TRDN: variants seen among roughly 807,000 people sequenced by gnomAD.
TRDN encodes the protein triadin, also known as triadin in skeletal muscle.
A neutral mutation model predicts 149.7 loss-of-function variants in TRDN; 161 were observed. That is an observed-to-expected ratio of 1.08 (90% CI 0.95 to 1.23). TRDN has a LOEUF of 1.23. Ranked by LOEUF, TRDN falls within the 50% of genes most tolerant of loss-of-function variation. The pLI, the probability that TRDN is intolerant of heterozygous loss-of-function variation, is 0.00. For missense variants in TRDN, 896 were observed against 823.5 expected (o/e 1.09, Z -1.08); for synonymous variants, 294 against 250.5 (o/e 1.17, Z -1.64).
chr6:123,345,046 A>T (rs989670430), intron 21 of TRDN, among the ~76,000 whole-genome samples: 1 of 151,984 alleles, frequency 6.6e-6, no homozygotes, highest in Admixed American at 6.6e-5. Flanking sequence ...TTTATATCTT[A>T]TAAGCCCAAC....
At chr6:123,545,133 A>G (rs1040775174) in intron 4 of TRDN, among the ~76,000 whole-genome samples, 16 of 152,134 alleles carry the variant, frequency 1.1e-4, no homozygotes, top group African/African-American at 3.4e-4. Context: ...ATGACTAAAT[A>G]TTATTGAATA....
At chr6:123,307,774 T>G (rs1778666046) in intron 24 of TRDN, among the ~76,000 whole-genome samples, 1 of 152,026 alleles carries the variant, frequency 6.6e-6, no homozygotes, top group African/African-American at 2.4e-5. Flanking sequence ...TGGTAACACT[T>G]TTTTTCTCTT....
At chr6:123,477,089 A>G (rs1299662381) in intron 9 of TRDN, among the ~76,000 whole-genome samples, 42 of 133,860 alleles carry the variant, frequency 3.1e-4, no homozygotes, top group African/African-American at 1.1e-3. Flanking sequence ...GAGCTTCTGC[A>G]CAGCAAAAGA....
intron 4 of TRDN, among the ~76,000 whole-genome samples, chr6:123,544,242 T>TACAC (rs1431866255): frequency 8.1e-6 from 1 of 123,972 alleles, no homozygotes; most frequent in African/African-American, 3.2e-5. Context: ...TGCACATCTG[T>TACAC]ACATACACAC....
intron 21 of TRDN, 118 bp downstream of exon 21, chr6:123,352,421 G>C (rs1387527466): frequency 1.9e-5 from 28 of 1,458,984 alleles, no homozygotes; most frequent in Non-Finnish European, 3.6e-6. Context: ...CAAGGACAGT[G>C]ATAAAGAGTA....
intron 12 of TRDN, among the ~76,000 whole-genome samples, chr6:123,435,134 T>C (rs1340264643): frequency 6.7e-6 from 1 of 149,960 alleles, no homozygotes; most frequent in Non-Finnish European, 1.5e-5. Flanking sequence ...TATTTTATAA[T>C]ATAAATAATA....
chr6:123,606,571 T>A (rs1212757327), intron 1 of TRDN, among the ~76,000 whole-genome samples: 6 of 152,130 alleles, frequency 3.9e-5, no homozygotes. Flanking sequence ...TTTTTATATT[T>A]AAGATGTTAT....
chr6:123,393,520 C>A, intron 13 of TRDN, 104 bp downstream of exon 13: 5 of 972,720 alleles, frequency 5.1e-6, no homozygotes, highest in Non-Finnish European at 7.5e-6. Context: ...TGCAATATCC[C>A]AGCAGATGGT....
intron 12 of TRDN, 52 bp from the exon 13 acceptor site, chr6:123,393,729 T>C: frequency 6.6e-7 from 1 of 1,520,312 alleles, no homozygotes; most frequent in Non-Finnish European, 8.9e-7. Context: ...TGGAAAAATA[T>C]ATAAATAAAA....
At chr6:123,415,322 G>T (rs1773605553) in intron 12 of TRDN, among the ~76,000 whole-genome samples, 1 of 152,102 alleles carries the variant, frequency 6.6e-6, no homozygotes, top group African/African-American at 2.4e-5. Context: ...CCATGTATTG[G>T]ATACTTGTAA....
At position 123,497,190 on chromosome 6, in the gene TRDN, T is replaced by C. The variant is rs372783263; in HGVS notation, c.853+3A>G. On this transcript the variant is annotated splice_donor_region_variant and intron_variant, in intron 9 of 40. Coordinates refer to ENST00000334268, the MANE Select transcript of TRDN (RefSeq NM_006073.4). ...AGACAAGTACAAGAATTGCTTGGAA[T>C]ACCTGGTTTTAAATCCCCATGGACA... 16 of 1,545,540 alleles carry C rather than the reference T, an allele frequency of 1.0e-5. No homozygotes were observed. The highest frequency in any genetic ancestry group is 4.1e-5 in the Admixed American group (2 of 48,358).
chr6:123,459,006 T>C (rs568229336), intron 10 of TRDN, among the ~76,000 whole-genome samples: 22 of 152,358 alleles, frequency 1.4e-4, no homozygotes, highest in Admixed American at 1.3e-4. Flanking sequence ...AAGTGTTTTG[T>C]CATGAAAACT....
At chr6:123,465,582 C>CAAAAAAAAAAAAA (rs1223948612) in intron 9 of TRDN, among the ~76,000 whole-genome samples, 1 of 65,534 alleles carries the variant, frequency 1.5e-5, no homozygotes, top group Non-Finnish European at 3.2e-5. Flanking sequence ...TTATGAACTG[C>CAAAAAAAAAAAAA]AAAAAAAAAA....
At chr6:123,496,392 A>T (rs527949524) in intron 9 of TRDN, among the ~76,000 whole-genome samples, 2 of 152,038 alleles carry the variant, frequency 1.3e-5, no homozygotes, top group African/African-American at 4.8e-5. Context: ...TTTCACAAAA[A>T]TAGTTAAGAA....
At chr6:123,632,030 C>A (rs1188883072) in intron 1 of TRDN, among the ~76,000 whole-genome samples, 1 of 152,078 alleles carries the variant, frequency 6.6e-6, no homozygotes, top group African/African-American at 2.4e-5. Flanking sequence ...TAAATTTTCA[C>A]TTGTTTCATC....
chr6:123,272,752 G>C (rs1027521646), intron 29 of TRDN, among the ~76,000 whole-genome samples: 1 of 151,818 alleles, frequency 6.6e-6, no homozygotes, highest in African/African-American at 2.4e-5. Context: ...TGGTGGGAAG[G>C]GAAGACTAGT....
At chr6:123,509,186 A>ATG (rs905712743) in intron 7 of TRDN, among the ~76,000 whole-genome samples, 1 of 151,726 alleles carries the variant, frequency 6.6e-6, no homozygotes, top group East Asian at 1.9e-4. Flanking sequence ...GTGTATGTGT[A>ATG]TGTGTGTGTG....
At chr6:123,519,879 T>G (rs1035427927) in intron 5 of TRDN, among the ~76,000 whole-genome samples, 1 of 152,162 alleles carries the variant, frequency 6.6e-6, no homozygotes, top group Non-Finnish European at 1.5e-5. Flanking sequence ...TGTGCTTTTT[T>G]GTTAGGTATT....
At chr6:123,285,670 A>G (rs1222339890) in intron 24 of TRDN, among the ~76,000 whole-genome samples, 1 of 152,164 alleles carries the variant, frequency 6.6e-6, no homozygotes, top group Non-Finnish European at 1.5e-5. Flanking sequence ...ATGGAACAAA[A>G]ACTATGATAA....
Sources: gnomAD v4.1 joint callset for allele counts (sites outside exome capture counted in the v4.1 genomes callset) on GRCh38, gnomAD v4.1.1 for gene constraint, MANE v1.5 for transcripts, NCBI Gene and HGNC (gene_info 2026-07-23, HGNC 2026-07-21) for gene names.